ROBO2: variants seen among roughly 807,000 people sequenced by gnomAD.
ROBO2 encodes roundabout guidance receptor 2, also known as roundabout homolog 2.
In ROBO2, 53 loss-of-function variants were observed where a neutral mutation model predicts 160.8. That is an observed-to-expected ratio of 0.33 (90% CI 0.26 to 0.41). The LOEUF (loss-of-function observed/expected upper bound fraction) is 0.41. Among genes scored for constraint, ROBO2 ranks in the 10% least tolerant of loss-of-function variants. ROBO2 has a pLI of 1.00. For missense variants in ROBO2, 1,577 were observed against 1,722.4 expected (o/e 0.92, Z 1.49); for synonymous variants, 664 against 611.7 (o/e 1.09, Z -1.26).
chr3:76,656,573 C>T (rs1395145536), intron 2 of ROBO2, among the ~76,000 whole-genome samples: 2 of 152,054 alleles, frequency 1.3e-5, no homozygotes, highest in Non-Finnish European at 2.9e-5. Context: ...TGCTCAGAAT[C>T]GAAAGAGCTG....
At chr3:76,812,034 C>A (rs531616230) in intron 2 of ROBO2, among the ~76,000 whole-genome samples, 38 of 151,908 alleles carry the variant, frequency 2.5e-4, no homozygotes, top group African/African-American at 8.9e-4. Context: ...CCATGCCCAG[C>A]TAATTTTTGT....
intron 2 of ROBO2, among the ~76,000 whole-genome samples, chr3:77,175,415 A>T (rs960776016): frequency 1.3e-5 from 2 of 152,048 alleles, no homozygotes; most frequent in Non-Finnish European, 2.9e-5. Flanking sequence ...TGGAATGATA[A>T]TGTAGAGGTC....
chr3:77,639,947 C>T (rs748876097), intron 24 of ROBO2, among the ~76,000 whole-genome samples: 17 of 151,984 alleles, frequency 1.1e-4, no homozygotes, highest in Non-Finnish European at 2.2e-4. Flanking sequence ...GCAGTGTTAA[C>T]AAAGGTTGGA....
intron 2 of ROBO2, among the ~76,000 whole-genome samples, chr3:76,609,428 C>A (rs935379576): frequency 6.6e-6 from 1 of 151,748 alleles, no homozygotes; most frequent in Non-Finnish European, 1.5e-5. Context: ...TTGTAGAGTT[C>A]TTTCACTTAT....
At chr3:76,131,022 A>G (rs1002680787) in intron 2 of ROBO2, among the ~76,000 whole-genome samples, 9 of 152,176 alleles carry the variant, frequency 5.9e-5, no homozygotes, top group African/African-American at 2.2e-4. Context: ...AGAATTCACA[A>G]TCTTTAAAAT....
intron 5 of ROBO2, among the ~76,000 whole-genome samples, chr3:77,494,599 CAAACAAAACAACA>C (rs2086556747): frequency 6.6e-6 from 1 of 152,074 alleles, no homozygotes; most frequent in Admixed American, 6.6e-5. Context: ...AAAAAACAAA[CAAACAAAACAACA>C]AAACAACTTC....
chr3:76,509,585 G>A lies in ROBO2; in HGVS notation c.109+571983G>A, dbSNP rs575695925. Among the ~76,000 whole-genome samples the A allele has an allele frequency of 6.5e-4, 99 of 152,262 alleles. 1 individual carries two copies. The highest frequency in any genetic ancestry group is 2.2e-3 in the African/African-American group (90 of 41,552). On this transcript the variant is annotated intron_variant, in intron 2 of 26. Transcript: ENST00000487694. ...CTGTAGAGAGAATCAAGAGCCGTGA[G>A]TGGAAAGTGGAACAAGAGACATTCG...
intron 2 of ROBO2, among the ~76,000 whole-genome samples, chr3:76,936,165 G>A (rs6800011): frequency 0.42 from 63,126 of 151,582 alleles, 13,254 homozygotes; most frequent in South Asian, 0.49. Flanking sequence ...AAAAGTAGAA[G>A]CTATAGACAT....
chr3:76,940,863 A>G (rs1374194662), intron 2 of ROBO2, among the ~76,000 whole-genome samples: 2 of 152,242 alleles, frequency 1.3e-5, no homozygotes, highest in Non-Finnish European at 2.9e-5. Context: ...ATGATATCAA[A>G]GTTTTCAGCT....
chr3:76,056,971 CTG>C (rs1471236384), intron 2 of ROBO2, among the ~76,000 whole-genome samples: 1 of 152,030 alleles, frequency 6.6e-6, no homozygotes, highest in East Asian at 1.9e-4. Context: ...TTGTGTATGC[CTG>C]TGTGTGTATT....
intron 2 of ROBO2, among the ~76,000 whole-genome samples, chr3:76,842,212 G>C (rs545878436): frequency 1.2e-4 from 18 of 152,270 alleles, no homozygotes; most frequent in African/African-American, 3.4e-4. Context: ...ACGTTATTAC[G>C]GCTGTTGCTG....
At chr3:77,234,670 T>A (rs969442071) in intron 2 of ROBO2, among the ~76,000 whole-genome samples, 8 of 152,344 alleles carry the variant, frequency 5.3e-5, no homozygotes, top group African/African-American at 1.9e-4. Flanking sequence ...TTTATCCTTT[T>A]GTAATTTTCA....
At chr3:76,529,045 A>G (rs1008347922) in intron 2 of ROBO2, among the ~76,000 whole-genome samples, 5 of 152,150 alleles carry the variant, frequency 3.3e-5, no homozygotes, top group Non-Finnish European at 7.3e-5. Flanking sequence ...GTGGTGAGAA[A>G]AAACCCTGAC....
At chr3:77,551,749 T>C (rs2092928687) in intron 8 of ROBO2, among the ~76,000 whole-genome samples, 1 of 152,088 alleles carries the variant, frequency 6.6e-6, no homozygotes, top group South Asian at 2.1e-4. Flanking sequence ...TCTCCCCTAA[T>C]GCTGGCTTCT....
intron 7 of ROBO2, 68 bp downstream of exon 8, chr3:77,546,530 C>T: frequency 6.4e-7 from 1 of 1,573,864 alleles, no homozygotes; most frequent in East Asian, 2.2e-5. Context: ...CTCCTGAAAG[C>T]TTGCCTTGCT....
chr3:77,387,338 CAAA>C (rs59885508), intron 2 of ROBO2, among the ~76,000 whole-genome samples: 1,437 of 121,896 alleles, frequency 0.012, 11 homozygotes, highest in Non-Finnish European at 0.017. Flanking sequence ...CCCCGTCTCT[CAAA>C]AAAAAAAAAA....
intron 2 of ROBO2, among the ~76,000 whole-genome samples, chr3:76,021,226 C>G (rs141672710): frequency 7.3e-5 from 11 of 151,644 alleles, no homozygotes; most frequent in African/African-American, 2.7e-4. Context: ...GGTCATAGAG[C>G]ACTCGGAAAA....
intron 19 of ROBO2, among the ~76,000 whole-genome samples, chr3:77,599,654 AT>A (rs1449222721): frequency 1.3e-5 from 2 of 152,120 alleles, no homozygotes; most frequent in African/African-American, 2.4e-5. Context: ...TAATAAAAAA[AT>A]AAATAAAAAA....
chr3:76,427,783 A>G (rs897886510), intron 2 of ROBO2, among the ~76,000 whole-genome samples: 1 of 152,138 alleles, frequency 6.6e-6, no homozygotes, highest in Non-Finnish European at 1.5e-5. Context: ...TTTTATAGCT[A>G]TCTCTTTAAA....
Sources: allele counts gnomAD v4.1 joint callset (sites outside exome capture counted in the v4.1 genomes callset), GRCh38; gene constraint gnomAD v4.1.1; transcripts MANE v1.5; gene names NCBI Gene and HGNC (gene_info 2026-07-23, HGNC 2026-07-21).